PKHD1: variants seen among roughly 807,000 people sequenced by gnomAD.
PKHD1 encodes PKHD1 ciliary IPT domain containing fibrocystin/polyductin.
Under a neutral mutation model 412.0 loss-of-function variants are expected in PKHD1, and 291 were observed. The observed-to-expected ratio is 0.71, with a 90% CI of 0.64 to 0.78. PKHD1 has a LOEUF of 0.78. Ranked by LOEUF, PKHD1 falls within the 30% of genes least tolerant of loss-of-function variation. The pLI is 0.00. For synonymous variants in PKHD1, 1,777 were observed against 1,821.5 expected (o/e 0.98, Z 0.62); for missense variants, 4,825 against 4,950.7 (o/e 0.97, Z 0.76).
chr6:51,641,304 C>G (rs1159787369), intron 63 of PKHD1, among the ~76,000 whole-genome samples: 3 of 152,162 alleles, frequency 2.0e-5, no homozygotes, highest in African/African-American at 7.2e-5. Flanking sequence ...TCCAAGTGAG[C>G]TAGTTGGCTT....
At chr6:51,944,874 C>G (rs12212940) in intron 36 of PKHD1, among the ~76,000 whole-genome samples, 35,074 of 152,126 alleles carry the variant, frequency 0.23, 4,603 homozygotes, top group Non-Finnish European at 0.31. Context: ...ACTGCTAGAC[C>G]ATCTGCATCC....
At chr6:51,752,564 C>T (rs913098625) in intron 57 of PKHD1, among the ~76,000 whole-genome samples, 4 of 152,178 alleles carry the variant, frequency 2.6e-5, no homozygotes, top group Admixed American at 6.5e-5. Flanking sequence ...CCTTTATTCT[C>T]GGCCTTCTCC....
Position 52,070,442 on chromosome 6 carries a change from G to A in PKHD1, c.671C>T (p.Ser224Phe). ...QCHVEGDYIGSQNVSFSVFNK... is the reference protein window; with the variant it reads ...QCHVEGDYIGFQNVSFSVFNK... ...AAATACTGAGAAGCTAACATTCTGGGAGCCTGTAACACAAAGAAACACACA... is the reference window on the plus strand; with the variant it reads ...AAATACTGAGAAGCTAACATTCTGGAAGCCTGTAACACAAAGAAACACACA... The change falls in exon 10 of 67, where the codon TCC becomes TTC. Residue 224 changes from serine (S) to phenylalanine (F), a missense_variant. By Grantham distance (155) the Ser-to-Phe change is radical. Coordinates refer to ENST00000371117, the MANE Select transcript of PKHD1 (RefSeq NM_138694.4). The A allele has an allele frequency of 6.2e-7, 1 of 1,609,936 alleles. No homozygotes were observed. The highest frequency in any genetic ancestry group is 8.5e-7 in the Non-Finnish European group (1 of 1,176,582).
intron 60 of PKHD1, among the ~76,000 whole-genome samples, chr6:51,661,153 C>T (rs1256469575): frequency 6.6e-6 from 1 of 152,080 alleles, no homozygotes; most frequent in Admixed American, 6.6e-5. Flanking sequence ...TGTCAGCAAC[C>T]AGAGTCAAAG....
intron 53 of PKHD1, among the ~76,000 whole-genome samples, chr6:51,776,429 C>T (rs921241117): frequency 5.9e-5 from 9 of 151,932 alleles, no homozygotes; most frequent in African/African-American, 2.2e-4. Flanking sequence ...GAGCCAAGTT[C>T]AACTAAGTCT....
At chr6:52,051,674 G>A (rs781425504) in intron 21 of PKHD1, among the ~76,000 whole-genome samples, 7 of 152,172 alleles carry the variant, frequency 4.6e-5, no homozygotes, top group African/African-American at 1.4e-4. Context: ...AGTGTTTGGC[G>A]AGGCAGAATG....
Position 51,891,569 on chromosome 6 carries a change from G to A in PKHD1, c.6997-4324C>T, listed in dbSNP as rs74296146. On this transcript the variant is annotated intron_variant, in intron 43 of 66. Transcript: ENST00000371117. ...GCTGGGATTATAGGCATGAGGCACC[G>A]TGCCCAGCCAACTTTAGGTATTATT... Among the ~76,000 whole-genome samples the A allele has an allele frequency of 3.3e-5, 5 of 152,164 alleles. No homozygotes were observed. In the East Asian group the frequency reaches 7.7e-4, roughly 24 times the overall value.
rs2150239185 is a variant in PKHD1, at chr6:51,619,177, G to A, written c.12129C>T (p.Ser4043=). ...GQSRLSKQSG[S]LGLSQEKKAS... ...CTTTCTTCTCTTGGGAAAGCCCCAA[G>A]CTGCCACTTTGCTTACTCAGCCGAC... Residue 4043 remains serine (S), a synonymous_variant, in exon 67 of 67, where the codon AGC becomes AGT. Transcript: ENST00000371117. The A allele has an allele frequency of 6.2e-7, 1 of 1,614,236 alleles. No homozygotes were observed. The highest frequency in any genetic ancestry group is 1.3e-5 in the African/African-American group (1 of 75,072).
chr6:51,631,939 C>CTTT (rs1196969455), intron 65 of PKHD1, among the ~76,000 whole-genome samples: 3 of 130,024 alleles, frequency 2.3e-5, no homozygotes, highest in Non-Finnish European at 3.3e-5. Context: ...TTTTTTTTTT[C>CTTT]TTTTTTTTTT....
At chr6:51,943,051 T>C (rs1788829402) in intron 36 of PKHD1, among the ~76,000 whole-genome samples, 1 of 151,590 alleles carries the variant, frequency 6.6e-6, no homozygotes, top group Non-Finnish European at 1.5e-5. Context: ...GCCACCACGG[T>C]CATTTCTTCC....
chr6:52,033,846 T>C (rs1300675674), intron 28 of PKHD1, among the ~76,000 whole-genome samples: 1 of 152,080 alleles, frequency 6.6e-6, no homozygotes, highest in Non-Finnish European at 1.5e-5. Flanking sequence ...AAAGACATGT[T>C]AGCCAGGCAC....
chr6:51,939,035 G>A (rs1283636273), intron 36 of PKHD1, among the ~76,000 whole-genome samples: 2 of 151,574 alleles, frequency 1.3e-5, no homozygotes, highest in Non-Finnish European at 3.0e-5. Context: ...TTCCCTTGGT[G>A]TTTAATCATG....
intron 13 of PKHD1, 105 bp from the exon 14 acceptor site, chr6:52,062,765 G>A (rs1363109578): frequency 4.4e-6 from 6 of 1,357,866 alleles, no homozygotes; most frequent in African/African-American, 4.3e-5. Flanking sequence ...GATGCTACCT[G>A]TAAAGGTAAG....
At chr6:51,767,979 T>C (rs56384111) in intron 55 of PKHD1, among the ~76,000 whole-genome samples, 27,807 of 151,734 alleles carry the variant, frequency 0.18, 3,336 homozygotes, top group African/African-American at 0.34. Flanking sequence ...CCAGCACCTG[T>C]TGTTTCCTGA....
chr6:51,620,695 A>C (rs1371153722), intron 66 of PKHD1, among the ~76,000 whole-genome samples: 1 of 151,376 alleles, frequency 6.6e-6, no homozygotes, highest in Non-Finnish European at 1.5e-5. Flanking sequence ...ATACTATAAG[A>C]GACAGTATTG....
Position 51,619,026 on chromosome 6 carries a change from C to A in PKHD1, c.*55G>T. ...AGTCCTCACTTCCCCAGCTTATTAT[C>A]CAGAAATACTGGGAACATTCTGCCT... is the stretch of plus-strand genomic sequence containing the variant. On this transcript the variant is annotated 3_prime_UTR_variant, in exon 67 of 67. Coordinates refer to ENST00000371117, the MANE Select transcript of PKHD1 (RefSeq NM_138694.4). 1 of 1,511,420 alleles carries A rather than the reference C, an allele frequency of 6.6e-7. No homozygotes were observed. Among genetic ancestry groups the A allele is most frequent in the East Asian group, 2.3e-5 (1 of 44,368 alleles). 93.6% of individuals were successfully genotyped at this position (1,511,420 alleles called of 1,614,324 possible). A position where few individuals can be genotyped will look rare whatever the true frequency, so the allele number is the denominator to read the frequency against.
rs150621575 is a variant in PKHD1, at chr6:51,697,281, T to C, written c.10157-37312A>G. 3.9e-3 allele frequency among the ~76,000 whole-genome samples: 596 copies of C among 152,366 alleles called. 3 individuals carry two copies. Among genetic ancestry groups the C allele is most frequent in the African/African-American group, 0.014 (575 of 41,592 alleles). ...CCTAACCAAACACGCTGTGAGGTAATTGTAGTGCATGTCATGAAATTTGTG... is the reference window on the plus strand; with the variant it reads ...CCTAACCAAACACGCTGTGAGGTAACTGTAGTGCATGTCATGAAATTTGTG... On this transcript the variant is annotated intron_variant, in intron 60 of 66. Transcript: ENST00000371117.
At chr6:51,732,227 G>C (rs1783318312) in intron 60 of PKHD1, among the ~76,000 whole-genome samples, 2 of 152,028 alleles carry the variant, frequency 1.3e-5, no homozygotes, top group Admixed American at 1.3e-4. Context: ...TTAATATTCA[G>C]TTCTTATTCC....
At chr6:51,796,596 T>C (rs1794647854) in intron 52 of PKHD1, among the ~76,000 whole-genome samples, 1 of 152,082 alleles carries the variant, frequency 6.6e-6, no homozygotes, top group Non-Finnish European at 1.5e-5. Flanking sequence ...GTTAGATTGT[T>C]AACTTGAGAT....
Sources: allele counts gnomAD v4.1 joint callset (sites outside exome capture counted in the v4.1 genomes callset), GRCh38; gene constraint gnomAD v4.1.1; transcripts MANE v1.5; gene names NCBI Gene and HGNC (gene_info 2026-07-23, HGNC 2026-07-21).